PIP5K1B: variants seen among roughly 807,000 people sequenced by gnomAD.
The protein encoded by PIP5K1B is phosphatidylinositol 4-phosphate 5-kinase type-1 beta.
A neutral mutation model predicts 67.0 loss-of-function variants in PIP5K1B; 42 were observed. The ratio of observed to expected loss-of-function variants is 0.63; its 90% CI spans 0.49 to 0.81. The LOEUF is 0.81. PIP5K1B is among the 30% of genes least tolerant of loss of function. PIP5K1B has a pLI of 0.00. For missense variants in PIP5K1B, 459 were observed against 646.3 expected (o/e 0.71, Z 3.14); for synonymous variants, 214 against 231.4 (o/e 0.92, Z 0.68).
chr9:68,782,794 G>A (rs1266172054), intron 2 of PIP5K1B: 1 of 167,050 alleles, frequency 6.0e-6, no homozygotes, highest in Non-Finnish European at 1.5e-5. Flanking sequence ...TGCCTCCAGA[G>A]GTATTTGAAC....
At chr9:69,006,633 C>G (rs1368608026) in intron 15 of PIP5K1B, among the ~76,000 whole-genome samples, 1 of 152,164 alleles carries the variant, frequency 6.6e-6, no homozygotes, top group Non-Finnish European at 1.5e-5. Context: ...AAGCCCAGGC[C>G]TTTAGCCATT....
At chr9:68,850,622 A>C (rs1050757632) in intron 4 of PIP5K1B, among the ~76,000 whole-genome samples, 10 of 152,228 alleles carry the variant, frequency 6.6e-5, no homozygotes, top group Non-Finnish European at 1.3e-4. Flanking sequence ...TATTTCCCCC[A>C]AAACAGTGCT....
intron 8 of PIP5K1B, among the ~76,000 whole-genome samples, chr9:68,907,946 T>G (rs1465008469): frequency 1.3e-5 from 2 of 152,174 alleles, no homozygotes; most frequent in Non-Finnish European, 2.9e-5. Flanking sequence ...ATATGAAAGG[T>G]GAAGGGTAAG....
intron 14 of PIP5K1B, among the ~76,000 whole-genome samples, chr9:68,973,638 C>G (rs898358321): frequency 3.9e-5 from 6 of 152,082 alleles, no homozygotes; most frequent in Admixed American, 3.3e-4. Context: ...TAACCAAGGG[C>G]CTAATCATTT....
chr9:68,796,108 G>A (rs1220701581), intron 2 of PIP5K1B, among the ~76,000 whole-genome samples: 1 of 152,176 alleles, frequency 6.6e-6, no homozygotes, highest in Non-Finnish European at 1.5e-5. Context: ...GTCTAAATAT[G>A]TATATGTGAT....
intron 4 of PIP5K1B, among the ~76,000 whole-genome samples, chr9:68,837,604 T>TGG (rs1821683395): frequency 1.6e-5 from 1 of 62,606 alleles, no homozygotes. Flanking sequence ...TTCCTTACTT[T>TGG]GTGTTTTTTT....
Position 68,902,253 on chromosome 9 carries a change from C to T in PIP5K1B, c.771+7615C>T, listed in dbSNP as rs560714772. Among the ~76,000 whole-genome samples, 28 of 152,292 alleles carry T rather than the reference C, an allele frequency of 1.8e-4. 1 individual carries two copies. The South Asian group carries it at 4.8e-3, about 26-fold the overall frequency. On this transcript the variant is annotated intron_variant, in intron 8 of 15. Transcript: ENST00000265382. Reference sequence around the variant, plus strand: ...GATGCCTAATGGTACCCTTTTATAGCCACAGCTACCTCCTTCCCTCACAAC... The same window carrying T: ...GATGCCTAATGGTACCCTTTTATAGTCACAGCTACCTCCTTCCCTCACAAC...
Position 68,923,400 on chromosome 9 carries a change from GA to G in PIP5K1B, c.1201+16del, listed in dbSNP as rs1321418559. ...AGAAAATTCAAGGTAAGATTCTTAT[GA>G]ATTTTTTTTTTTACTTTTAGCAGCT... On this transcript the variant is annotated intron_variant, in intron 12 of 15. Coordinates refer to ENST00000265382, the MANE Select transcript of PIP5K1B (RefSeq NM_003558.4). The G allele has an allele frequency of 1.4e-6, 2 of 1,422,188 alleles. No homozygotes were observed. The highest frequency in any genetic ancestry group is 1.9e-6 in the Non-Finnish European group (2 of 1,029,670). 88.1% of individuals were successfully genotyped at this position (1,422,188 alleles called of 1,614,324 possible). A position where few individuals can be genotyped will look rare whatever the true frequency, so the allele number is the denominator to read the frequency against.
At chr9:68,862,009 A>C (rs1029367669) in intron 4 of PIP5K1B, among the ~76,000 whole-genome samples, 3 of 152,152 alleles carry the variant, frequency 2.0e-5, no homozygotes, top group Non-Finnish European at 2.9e-5. Context: ...AAAAAGAAAA[A>C]CACGAAGACA....
chr9:68,801,447 A>G (rs1339756657), intron 2 of PIP5K1B, among the ~76,000 whole-genome samples: 29 of 152,180 alleles, frequency 1.9e-4, no homozygotes, highest in Admixed American at 1.8e-3. Flanking sequence ...AAGAGGGTAC[A>G]TGTAATACTG....
At position 68,917,722 on chromosome 9, in the gene PIP5K1B, A is replaced by G. The variant is rs1363510354; in HGVS notation, c.946A>G (p.Lys316Glu). The G allele has an allele frequency of 1.9e-6, 3 of 1,614,030 alleles. No homozygotes were observed. Among genetic ancestry groups the G allele is most frequent in the Non-Finnish European group, 1.7e-6 (2 of 1,179,980 alleles). The part of the protein sequence containing the change: ...TAMESIQGPG[K>E]SGDGIITENP... ...CATGGAATCTATCCAGGGTCCAGGG[A>G]AATCTGGAGATGGGATAATCACAGA... Residue 316 changes from lysine (K) to glutamate (E), a missense_variant, in exon 9 of 16, where the codon AAA (lysine) becomes GAA (glutamate). Physicochemically the swap from Lys to Glu is moderately conservative, Grantham distance 56. Around this residue, in one of 2 missense-constraint regions of PIP5K1B, gnomAD observed 290 missense variants for 474.4 expected, o/e 0.61. Transcript: ENST00000265382.
intron 15 of PIP5K1B, among the ~76,000 whole-genome samples, chr9:68,995,257 G>C (rs1830555449): frequency 6.6e-6 from 1 of 151,510 alleles, no homozygotes; most frequent in Non-Finnish European, 1.5e-5. Context: ...AAGAGAAAAG[G>C]AAGGTTTCCA....
chr9:68,781,708 T>C (rs994293400), intron 2 of PIP5K1B: 1 of 166,640 alleles, frequency 6.0e-6, no homozygotes, highest in African/African-American at 2.4e-5. Flanking sequence ...TAGTCAGTCA[T>C]ACAACTATAA....
chr9:68,810,406 GC>G (rs78089184), intron 2 of PIP5K1B, among the ~76,000 whole-genome samples: 8,908 of 152,288 alleles, frequency 0.058, 358 homozygotes, highest in East Asian at 0.23. Context: ...GCCTTCGGAG[GC>G]CTATCCCAGC....
chr9:68,963,097 CA>C, intron 14 of PIP5K1B: 1 of 453,144 alleles, frequency 2.2e-6, no homozygotes, highest in African/African-American at 2.0e-5. Flanking sequence ...TTGACCTTTC[CA>C]AAGCATCACA....
intron 14 of PIP5K1B, among the ~76,000 whole-genome samples, chr9:68,964,740 G>A (rs1299611515): frequency 1.3e-5 from 2 of 152,216 alleles, no homozygotes; most frequent in Non-Finnish European, 1.5e-5. Flanking sequence ...CAGCCATCTG[G>A]GAAGACTACC....
intron 5 of PIP5K1B, among the ~76,000 whole-genome samples, chr9:68,871,714 G>C (rs1161490696): frequency 2.0e-5 from 3 of 152,102 alleles, no homozygotes; most frequent in Non-Finnish European, 4.4e-5. Flanking sequence ...GGATTGTAAC[G>C]TGTGCTTGCT....
At chr9:68,867,545 C>A (rs1823420846) in intron 5 of PIP5K1B, among the ~76,000 whole-genome samples, 1 of 152,166 alleles carries the variant, frequency 6.6e-6, no homozygotes, top group African/African-American at 2.4e-5. Context: ...TCTTTGGTCC[C>A]CAGGCCCTGC....
intron 8 of PIP5K1B, among the ~76,000 whole-genome samples, chr9:68,898,017 C>A (rs1404241533): frequency 6.6e-6 from 1 of 152,166 alleles, no homozygotes; most frequent in Non-Finnish European, 1.5e-5. Flanking sequence ...CCTCCTGACA[C>A]ATACCATCTT....
Sources: allele counts gnomAD v4.1 joint callset (sites outside exome capture counted in the v4.1 genomes callset), GRCh38; gene constraint gnomAD v4.1.1; regional missense constraint gnomAD v4.1.1; transcripts MANE v1.5; gene names NCBI Gene and HGNC (gene_info 2026-07-23, HGNC 2026-07-21).